Variants in PHLDB2 observed in about 807,000 individuals in gnomAD.
PHLDB2 encodes the protein pleckstrin homology like domain family B member 2.
PHLDB2 carries 71 observed loss-of-function variants against 123.6 expected under a neutral mutation model. The ratio of observed to expected loss-of-function variants is 0.57; its 90% CI spans 0.47 to 0.70. PHLDB2 has a LOEUF of 0.70. Ranked by LOEUF, PHLDB2 falls within the 30% of genes least tolerant of loss-of-function variation. The pLI, the probability that PHLDB2 is intolerant of heterozygous loss-of-function variation, is 0.00. For synonymous variants in PHLDB2, 547 were observed against 541.6 expected (o/e 1.01, Z -0.14); for missense variants, 1,446 against 1,519.5 (o/e 0.95, Z 0.80).
At chr3:111,804,648 G>A (rs769565206) in intron 1 of PHLDB2, among the ~76,000 whole-genome samples, 1 of 152,174 alleles carries the variant, frequency 6.6e-6, no homozygotes, top group Non-Finnish European at 1.5e-5. Flanking sequence ...CCATGTGGAT[G>A]TCCAGATTTT....
At chr3:111,970,419 G>A (rs1273068491) in intron 16 of PHLDB2, among the ~76,000 whole-genome samples, 1 of 152,068 alleles carries the variant, frequency 6.6e-6, no homozygotes, top group African/African-American at 2.4e-5. Context: ...ATTGTCATAC[G>A]TCCCATTTAA....
At chr3:111,850,747 A>G (rs892160572) in intron 2 of PHLDB2, among the ~76,000 whole-genome samples, 4 of 151,516 alleles carry the variant, frequency 2.6e-5, no homozygotes, top group African/African-American at 4.8e-5. Context: ...GGGCAAGAGA[A>G]CAAGACATTG....
At chr3:111,834,131 ATATTATATG>A (rs1559857950) in intron 1 of PHLDB2, among the ~76,000 whole-genome samples, 92 of 121,762 alleles carry the variant, frequency 7.6e-4, no homozygotes, top group South Asian at 1.3e-3. Context: ...AATTATATAT[ATATTATATG>A]TAATAGAATT....
chr3:111,812,454 C>G (rs1411042577), intron 1 of PHLDB2, among the ~76,000 whole-genome samples: 4 of 152,162 alleles, frequency 2.6e-5, no homozygotes, highest in Non-Finnish European at 5.9e-5. Flanking sequence ...ATGTGATGAT[C>G]CAATGGAAGG....
At chr3:111,825,836 CA>C (rs1456058631) in intron 1 of PHLDB2, among the ~76,000 whole-genome samples, 2 of 152,034 alleles carry the variant, frequency 1.3e-5, no homozygotes, top group African/African-American at 2.4e-5. Flanking sequence ...TTTTGGCTCA[CA>C]AACCTTTATA....
chr3:111,952,342 AAG>A (rs2070767330), intron 10 of PHLDB2, among the ~76,000 whole-genome samples: 2 of 152,220 alleles, frequency 1.3e-5, no homozygotes, highest in Admixed American at 6.5e-5. Context: ...ACAGAAGTGA[AAG>A]GTGGAATTTT....
At chr3:111,866,764 C>A (rs563894816) in intron 1 of PHLDB2, among the ~76,000 whole-genome samples, 2 of 152,238 alleles carry the variant, frequency 1.3e-5, no homozygotes, top group Middle Eastern at 6.8e-3. Context: ...AGAAGAGTAT[C>A]TGAAGTTAGT....
At chr3:111,934,643 C>G (rs1385105762) in intron 6 of PHLDB2, among the ~76,000 whole-genome samples, 2 of 152,164 alleles carry the variant, frequency 1.3e-5, no homozygotes, top group African/African-American at 4.8e-5. Context: ...TTATTTTCAT[C>G]TGATATTGGT....
At chr3:111,911,428 A>G (rs2067874069) in intron 2 of PHLDB2, among the ~76,000 whole-genome samples, 1 of 152,148 alleles carries the variant, frequency 6.6e-6, no homozygotes, top group Admixed American at 6.5e-5. Context: ...CTCTCCTTAC[A>G]TATGCTCTTG....
intron 8 of PHLDB2, among the ~76,000 whole-genome samples, chr3:111,943,562 A>T (rs968897811): frequency 2.0e-5 from 3 of 152,234 alleles, no homozygotes; most frequent in Non-Finnish European, 2.9e-5. Flanking sequence ...ACATCAATAA[A>T]TTTTTTTAAA....
chr3:111,807,131 G>A (rs62280071), intron 1 of PHLDB2, among the ~76,000 whole-genome samples: 1 of 151,566 alleles, frequency 6.6e-6, no homozygotes, highest in Non-Finnish European at 1.5e-5. Flanking sequence ...GGATCAGAAT[G>A]GCTATTTCTA....
chr3:111,750,789 T>C (rs769582881), intron 1 of PHLDB2, among the ~76,000 whole-genome samples: 1 of 151,778 alleles, frequency 6.6e-6, no homozygotes, highest in Non-Finnish European at 1.5e-5. Flanking sequence ...CTACTAAAAA[T>C]ACAAAAATTA....
At chr3:111,824,648 A>G (rs72936485) in intron 1 of PHLDB2, among the ~76,000 whole-genome samples, 13,605 of 152,216 alleles carry the variant, frequency 0.089, 971 homozygotes, top group East Asian at 0.25. Flanking sequence ...TGTCCTCAGA[A>G]TGAAGCCTGT....
chr3:111,774,813 G>A (rs911918267), intron 1 of PHLDB2, among the ~76,000 whole-genome samples: 7 of 152,040 alleles, frequency 4.6e-5, no homozygotes, highest in African/African-American at 1.7e-4. Flanking sequence ...CAGCTCTTTT[G>A]TCAACTCCAC....
chr3:111,855,191 G>T (rs1449193357), upstream of PHLDB2, among the ~76,000 whole-genome samples: 2 of 152,166 alleles, frequency 1.3e-5, no homozygotes, highest in East Asian at 3.9e-4. Flanking sequence ...TTCCCCACCT[G>T]AGAGGGTGAA....
intron 11 of PHLDB2, 28 bp downstream of exon 11, chr3:111,952,740 C>G (rs758818066): frequency 6.2e-7 from 1 of 1,601,192 alleles, no homozygotes; most frequent in South Asian, 1.1e-5. Context: ...CCACGGGCTT[C>G]CCATTCCATG....
At chr3:111,803,494 C>T (rs905797357) in intron 1 of PHLDB2, among the ~76,000 whole-genome samples, 2 of 152,102 alleles carry the variant, frequency 1.3e-5, no homozygotes, top group Non-Finnish European at 1.5e-5. Flanking sequence ...CTAGTCTTCC[C>T]AGAATTCGAG....
chr3:111,855,790 C>T (rs1246533721), upstream of PHLDB2, among the ~76,000 whole-genome samples: 1 of 151,808 alleles, frequency 6.6e-6, no homozygotes, highest in Non-Finnish European at 1.5e-5. Context: ...ACCACCATGC[C>T]CGGCTAATAT....
chr3:111,813,134 A>G (rs1446123665), intron 1 of PHLDB2, among the ~76,000 whole-genome samples: 3 of 152,214 alleles, frequency 2.0e-5, no homozygotes, highest in Admixed American at 1.3e-4. Flanking sequence ...CCATTCAAGT[A>G]TAAAAAAACT....
Sources: gnomAD v4.1 joint callset for allele counts (sites outside exome capture counted in the v4.1 genomes callset) on GRCh38, gnomAD v4.1.1 for gene constraint, MANE v1.5 for transcripts, NCBI Gene and HGNC (gene_info 2026-07-23, HGNC 2026-07-21) for gene names.